MYH15: variants seen among roughly 807,000 people sequenced by gnomAD.
MYH15 encodes myosin heavy chain 15.
MYH15 carries 227 observed loss-of-function variants against 240.5 expected under a neutral mutation model. That is an observed-to-expected ratio of 0.94 (90% CI 0.85 to 1.05). The LOEUF (loss-of-function observed/expected upper bound fraction) is 1.05, where lower values mean the gene tolerates loss of function less well. Ranked by LOEUF, MYH15 falls within the 50% of genes least tolerant of loss-of-function variation. MYH15 has a pLI of 0.00. For missense variants in MYH15, 2,217 were observed against 2,247.5 expected, an observed-to-expected ratio of 0.99 and a Z score of 0.27; for synonymous variants, 785 against 796.7, an observed-to-expected ratio of 0.99 and a Z score of 0.25.
At chr3:108,440,515 C>A (rs1266897928) in intron 23 of MYH15, among the ~76,000 whole-genome samples, 1 of 150,212 alleles carries the variant, frequency 6.7e-6, no homozygotes, top group African/African-American at 2.5e-5. Context: ...GTCCTCAATC[C>A]ACACACAGAT....
chr3:108,531,894 TAGAG>T (rs573784421), upstream of MYH15, among the ~76,000 whole-genome samples: 5 of 152,052 alleles, frequency 3.3e-5, no homozygotes, highest in African/African-American at 4.8e-5. Context: ...ACTTGACACT[TAGAG>T]AGGTTACGTA....
At chr3:108,462,454 A>G (rs1238252232) in intron 16 of MYH15, among the ~76,000 whole-genome samples, 1 of 151,914 alleles carries the variant, frequency 6.6e-6, no homozygotes, top group East Asian at 1.9e-4. Flanking sequence ...TGTTCCTGTG[A>G]GAAGTTAAGT....
At chr3:108,508,146 C>T (rs2107249646) in intron 1 of MYH15, among the ~76,000 whole-genome samples, 1 of 152,304 alleles carries the variant, frequency 6.6e-6, no homozygotes, top group Non-Finnish European at 1.5e-5. Context: ...GCATTACAGC[C>T]TGCCTCCTCT....
intron 21 of MYH15, among the ~76,000 whole-genome samples, chr3:108,451,510 G>A (rs1353038629): frequency 6.6e-6 from 1 of 152,112 alleles, no homozygotes; most frequent in Non-Finnish European, 1.5e-5. Flanking sequence ...CATTAGACAT[G>A]TAACCAATAA....
intron 16 of MYH15, among the ~76,000 whole-genome samples, chr3:108,462,455 G>C (rs1009103443): frequency 6.6e-6 from 1 of 151,902 alleles, no homozygotes; most frequent in African/African-American, 2.4e-5. Flanking sequence ...GTTCCTGTGA[G>C]AAGTTAAGTA....
At chr3:108,450,384 T>C (rs919387200) in intron 21 of MYH15, among the ~76,000 whole-genome samples, 7 of 152,174 alleles carry the variant, frequency 4.6e-5, no homozygotes, top group Non-Finnish European at 7.4e-5. Flanking sequence ...GAAAACATTG[T>C]CATTTGTGAC....
At position 108,463,169 on chromosome 3, in the gene MYH15, C is replaced by G; in HGVS notation, c.1806G>C (p.Gln602His). 6.2e-7 allele frequency: 1 copy of G among 1,613,442 alleles called. No individual in the cohort carries two copies. Among genetic ancestry groups the G allele is most frequent in the Non-Finnish European group, 8.5e-7 (1 of 1,179,664 alleles). ...LLNETVVAVF[Q>H]KSSNRLLASL... ...TCGCCAGGAGTCTGTTGGAAGACTT[C>G]TGAAATACAGCTACCACTGTTTCAT... The change falls in exon 16 of 41, where the codon CAG becomes CAC. Residue 602 changes from glutamine (Q) to histidine (H), a missense_variant. Physicochemically the swap from Gln to His is conservative, Grantham distance 24. Coordinates refer to ENST00000693548, the MANE Select transcript of MYH15 (RefSeq NM_014981.3).
chr3:108,488,361 G>A (rs937057086), intron 9 of MYH15, among the ~76,000 whole-genome samples: 14 of 152,084 alleles, frequency 9.2e-5, no homozygotes, highest in Non-Finnish European at 1.9e-4. Flanking sequence ...AAGCTAAGGT[G>A]CAGTGGCATG....
At position 108,472,531 on chromosome 3, in the gene MYH15, AT is replaced by A. The variant is rs1342289520; in HGVS notation, c.1234-1685del. On this transcript the variant is annotated intron_variant, in intron 12 of 40. Coordinates refer to ENST00000693548, the MANE Select transcript of MYH15 (RefSeq NM_014981.3). ...CAGCATCAAGAGCACACACGTACAAATAAAGCATCAAGAATGATTTTCATCC... is the reference window on the plus strand; with the variant it reads ...CAGCATCAAGAGCACACACGTACAAAAAAGCATCAAGAATGATTTTCATCC... Among the ~76,000 whole-genome samples the A allele has an allele frequency of 3.3e-5, 5 of 152,348 alleles. No homozygotes were observed. In the East Asian group the frequency reaches 9.6e-4, roughly 29 times the overall value.
Position 108,428,746 on chromosome 3 carries a change from A to T in MYH15, c.3448T>A (p.Leu1150Met). 1 of 1,613,872 alleles carries T rather than the reference A, an allele frequency of 6.2e-7. No individual in the cohort carries two copies. The highest frequency in any genetic ancestry group is 8.5e-7 in the Non-Finnish European group (1 of 1,179,974). The change falls in exon 27 of 41, where the codon TTG (leucine) becomes ATG (methionine). Residue 1150 changes from leucine to methionine, a missense_variant. Leu to Met is a conservative substitution (Grantham distance 15). Transcript: ENST00000693548. ...TTCTTAGTTATTTCCAGCTGAGCCA[A>T]ACTGGATCCTCCTACCTCCTCCAGC... ...ERLEEVGGSS[L>M]AQLEITKKQE... is the part of the protein sequence containing the mutation.
rs762615979 is a variant in MYH15 at position 108,476,432 on chromosome 3, T to C, written c.1198A>G (p.Asn400Asp). Reference protein sequence around the residue: ...CLIHPRIKVGNEYVTRGQTIE... With the variant: ...CLIHPRIKVGDEYVTRGQTIE... The stretch of plus-strand genomic sequence containing the variant: ...GTTTGACCTCTGGTAACATATTCGT[T>C]ACCAACTTTGATTCTAGGATGGATC... Residue 400 changes from asparagine to aspartate, a missense_variant, in exon 12 of 41, where the codon AAC becomes GAC. Asn to Asp is a conservative substitution (Grantham distance 23, BLOSUM62 1). Transcript: ENST00000693548. The C allele has an allele frequency of 9.3e-6, 15 of 1,612,522 alleles. No homozygotes were observed. In the Admixed American group the frequency reaches 2.2e-4, roughly 23 times the overall value.
upstream of MYH15, among the ~76,000 whole-genome samples, chr3:108,531,799 A>AATAAATAC (rs199796156): frequency 1.5e-3 from 205 of 134,150 alleles, 1 homozygote; most frequent in Middle Eastern, 0.015. Context: ...TAAATAAATA[A>AATAAATAC]ATAAATACAT....
At chr3:108,540,525 T>TA in the MYH15 span, among the ~76,000 whole-genome samples, 16 of 151,912 alleles carry the variant, frequency 1.1e-4, no homozygotes, top group Admixed American at 6.6e-4. Flanking sequence ...GATATGATAC[T>TA]AAAAAAAAGA....
At chr3:108,543,800 T>C in the MYH15 span, 1 of 152,416 alleles carries the variant, frequency 6.6e-6, no homozygotes, top group African/African-American at 2.4e-5. Context: ...TTGGGTCAGC[T>C]GGCTGAACCA....
chr3:108,500,600 G>A (rs548605109), intron 3 of MYH15, among the ~76,000 whole-genome samples: 11 of 152,194 alleles, frequency 7.2e-5, no homozygotes, highest in South Asian at 2.1e-4. Flanking sequence ...TGAGGCCAGC[G>A]GGGACTCTGC....
intron 31 of MYH15, among the ~76,000 whole-genome samples, chr3:108,409,101 G>A (rs1363943551): frequency 6.6e-6 from 1 of 152,204 alleles, no homozygotes; most frequent in African/African-American, 2.4e-5. Context: ...CAGTTCAGAG[G>A]TGGTGGAAGG....
chr3:108,387,761 T>C (rs2082394926), intron 38 of MYH15, among the ~76,000 whole-genome samples: 1 of 152,222 alleles, frequency 6.6e-6, no homozygotes, highest in African/African-American at 2.4e-5. Flanking sequence ...TCTCAGTGGC[T>C]TTGATATACC....
chr3:108,495,873 C>T lies in MYH15; in HGVS notation c.619-1G>A. 6.2e-7 allele frequency: 1 copy of T among 1,603,262 alleles called. No homozygotes were observed. The highest frequency in any genetic ancestry group is 8.5e-7 in the Non-Finnish European group (1 of 1,174,442). On this transcript the variant is annotated splice_acceptor_variant, in intron 6 of 40. Transcript: ENST00000693548. LOFTEE classifies it high-confidence loss of function. ...GCATGATTTGATCTTCTAACGCCCC[C>T]TGAGACACATGCAAGAGAAGTACAG...
At chr3:108,426,975 T>A (rs184062928) in intron 27 of MYH15, among the ~76,000 whole-genome samples, 1 of 152,372 alleles carries the variant, frequency 6.6e-6, no homozygotes, top group African/African-American at 2.4e-5. Context: ...CTTTTTTCTT[T>A]CTGATTTCTC....
Sources: allele counts gnomAD v4.1 joint callset (sites outside exome capture counted in the v4.1 genomes callset), GRCh38; gene constraint gnomAD v4.1.1; transcripts MANE v1.5; gene names NCBI Gene and HGNC (gene_info 2026-07-23, HGNC 2026-07-21).